The following NEDD4 variants were observed in gnomAD, a reference collection of about 807,000 sequenced individuals.
The protein encoded by NEDD4 is NEDD4 E3 ubiquitin protein ligase.
In NEDD4, 99 loss-of-function variants were observed where a neutral mutation model predicts 144.9. The ratio of observed to expected loss-of-function variants is 0.68; its 90% confidence interval spans 0.58 to 0.81. The LOEUF is 0.81. Ranked by LOEUF, NEDD4 falls within the 30% of genes least tolerant of loss-of-function variation. The pLI is 0.00. For missense variants in NEDD4, 985 were observed against 1,065.9 expected (o/e 0.92, Z 1.06); for synonymous variants, 318 against 350.6 (o/e 0.91, Z 1.04).
intron 4 of NEDD4, among the ~76,000 whole-genome samples, chr15:55,942,149 A>G (rs1445491273): frequency 6.6e-6 from 1 of 152,082 alleles, no homozygotes; most frequent in Admixed American, 6.5e-5. Flanking sequence ...AGTTCTGTCA[A>G]TTTTGACTTC....
rs763959293 is a variant in NEDD4, at chr15:55,993,519, C to G, written c.37G>C (p.Glu13Gln). The change falls in exon 1 of 29, where the codon GAG becomes CAG. Residue 13 changes from glutamate to glutamine, a missense_variant. Coordinates refer to ENST00000435532, the MANE Select transcript of NEDD4 (RefSeq NM_006154.4). ...TCAVEVFGLLEDEENSRIVRV... is the reference protein window; with the variant it reads ...TCAVEVFGLLQDEENSRIVRV... Reference sequence around the variant, plus strand: ...CCCCGCGGTCCCCGCACCTCGTCCTCCAGGAGCCCGAACACCTCCACCGCG... The same window carrying G: ...CCCCGCGGTCCCCGCACCTCGTCCTGCAGGAGCCCGAACACCTCCACCGCG... 1.3e-6 allele frequency: 2 copies of G among 1,598,880 alleles called. No homozygotes were observed. The highest frequency in any genetic ancestry group is 3.4e-5 in the Admixed American group (2 of 58,454).
intron 26 of NEDD4, among the ~76,000 whole-genome samples, chr15:55,833,506 A>T (rs1435254613): frequency 1.3e-5 from 2 of 152,110 alleles, no homozygotes; most frequent in African/African-American, 4.8e-5. Flanking sequence ...AAAAATACAA[A>T]AAAAAATAAC....
At chr15:55,869,719 AC>A in intron 7 of NEDD4, 38 bp from the exon 8 acceptor site, 1 of 1,306,420 alleles carries the variant, frequency 7.7e-7, no homozygotes, top group Non-Finnish European at 1.1e-6. Context: ...AAACTTTAAC[AC>A]CGGGAGAAAA....
intron 1 of NEDD4, among the ~76,000 whole-genome samples, chr15:55,986,299 G>A (rs35301686): frequency 0.062 from 9,395 of 152,168 alleles, 378 homozygotes; most frequent in East Asian, 0.16. Flanking sequence ...ATAATCTTAC[G>A]ATATGTCCCC....
intron 12 of NEDD4, among the ~76,000 whole-genome samples, chr15:55,854,427 T>C (rs2034113837): frequency 6.6e-6 from 1 of 152,088 alleles, no homozygotes; most frequent in Non-Finnish European, 1.5e-5. Flanking sequence ...AGTGGATATA[T>C]CTCTACAGTG....
At chr15:55,910,413 C>A (rs761665381) in intron 5 of NEDD4, among the ~76,000 whole-genome samples, 12 of 152,242 alleles carry the variant, frequency 7.9e-5, no homozygotes, top group Non-Finnish European at 1.5e-4. Context: ...TTCACCCATG[C>A]CTCTATGCCT....
intron 4 of NEDD4, among the ~76,000 whole-genome samples, chr15:55,924,917 A>C (rs1388931409): frequency 1.3e-5 from 2 of 152,090 alleles, no homozygotes; most frequent in African/African-American, 4.8e-5. Flanking sequence ...AAAATACAAA[A>C]ATGAGCCAGG....
rs58665877 is a variant in NEDD4, at chr15:55,961,465, G to GTATTATTATTATTAT, written c.119+4993_119+5007dup. 3.9e-3 allele frequency among the ~76,000 whole-genome samples: 591 copies of GTATTATTATTATTAT among 150,854 alleles called. 2 individuals carry two copies. Among genetic ancestry groups the GTATTATTATTATTAT allele is most frequent in the African/African-American group, 7.6e-3 (311 of 41,118 alleles). ...GTTCTTTTAAGCAACTAAGTTTGTG[G>GTATTATTATTATTAT]TATTATTATTATTATTATTATTTGA... On this transcript the variant is annotated intron_variant, in intron 2 of 28. Coordinates refer to ENST00000435532, the MANE Select transcript of NEDD4 (RefSeq NM_006154.4).
chr15:55,898,762 T>A (rs1335237762), intron 5 of NEDD4, among the ~76,000 whole-genome samples: 1 of 151,210 alleles, frequency 6.6e-6, no homozygotes, highest in Non-Finnish European at 1.5e-5. Flanking sequence ...AGTCCCTGAG[T>A]AGCTGGGACT....
chr15:55,922,948 A>G (rs1359520309), intron 5 of NEDD4, among the ~76,000 whole-genome samples: 20 of 152,146 alleles, frequency 1.3e-4, no homozygotes, highest in Admixed American at 1.3e-3. Context: ...CAAAAACTCC[A>G]CCAATACAAA....
At chr15:55,942,838 G>A (rs551030730) in intron 4 of NEDD4, among the ~76,000 whole-genome samples, 2 of 152,340 alleles carry the variant, frequency 1.3e-5, no homozygotes, top group African/African-American at 4.8e-5. Context: ...AAGAAGAAAG[G>A]AGGATGATGG....
In NEDD4 at chr15:55,979,479, G is replaced by A. The variant is rs369712873; in HGVS notation, c.46-12933C>T. Among the ~76,000 whole-genome samples, 52 of 148,372 alleles carry A rather than the reference G, an allele frequency of 3.5e-4. 1 individual carries two copies. The South Asian group carries it at 0.011, about 30-fold the overall frequency. ...CGCCATTCTCCTGCCTCAGCCTCCCGAGTAGCTGGGACTACAGGCGCCCGC... is the reference window on the plus strand; with the variant it reads ...CGCCATTCTCCTGCCTCAGCCTCCCAAGTAGCTGGGACTACAGGCGCCCGC... On this transcript the variant is annotated intron_variant, in intron 1 of 28. Transcript: ENST00000435532.
At chr15:55,837,436 A>G (rs1340474833) in intron 24 of NEDD4, among the ~76,000 whole-genome samples, 3 of 150,356 alleles carry the variant, frequency 2.0e-5, no homozygotes, top group Non-Finnish European at 4.5e-5. Context: ...CGCGCTCAAA[A>G]AAAAAAAAAA....
intron 14 of NEDD4, among the ~76,000 whole-genome samples, chr15:55,849,358 G>A (rs1031815834): frequency 1.3e-5 from 2 of 152,096 alleles, no homozygotes; most frequent in East Asian, 3.9e-4. Flanking sequence ...CTGAGTAGCT[G>A]GGATTACAGG....
chr15:55,915,888 G>C, intron 5 of NEDD4: 1 of 1,613,940 alleles, frequency 6.2e-7, no homozygotes. Flanking sequence ...AAATCCTTTA[G>C]CACTAGTGCC....
At chr15:55,944,431 G>T (rs558276051) in intron 4 of NEDD4, among the ~76,000 whole-genome samples, 5 of 152,320 alleles carry the variant, frequency 3.3e-5, no homozygotes, top group Admixed American at 3.3e-4. Flanking sequence ...AGACTGGTGG[G>T]GTAAGGGGTG....
intron 2 of NEDD4, among the ~76,000 whole-genome samples, chr15:55,954,530 CT>C (rs201402509): frequency 4.6e-4 from 68 of 147,040 alleles, no homozygotes; most frequent in Middle Eastern, 3.5e-3. Context: ...AGAGTTTTGC[CT>C]TTTTTTTTTT....
At chr15:55,984,820 G>A (rs2037863722) in intron 1 of NEDD4, among the ~76,000 whole-genome samples, 1 of 152,198 alleles carries the variant, frequency 6.6e-6, no homozygotes, top group South Asian at 2.1e-4. Flanking sequence ...AGAAATAGAA[G>A]TCCTAAAGAA....
intron 8 of NEDD4, among the ~76,000 whole-genome samples, chr15:55,868,142 A>T (rs189804916): frequency 2.0e-3 from 309 of 152,104 alleles, no homozygotes; most frequent in Non-Finnish European, 3.6e-3. Flanking sequence ...AAATTTTCCC[A>T]GAAAGCTCTG....
Sources: gnomAD v4.1 joint callset for allele counts (sites outside exome capture counted in the v4.1 genomes callset) on GRCh38, gnomAD v4.1.1 for gene constraint, MANE v1.5 for transcripts, NCBI Gene and HGNC (gene_info 2026-07-23, HGNC 2026-07-21) for gene names.